RALYL: variants seen among roughly 807,000 people sequenced by gnomAD.
RALYL encodes the protein RALY RNA binding protein like, also known as RNA-binding Raly-like protein.
In RALYL, 29 loss-of-function variants were observed where a neutral mutation model predicts 35.1. The observed-to-expected ratio is 0.83, with a 90% confidence interval of 0.61 to 1.13. The LOEUF (loss-of-function observed/expected upper bound fraction) is 1.13. RALYL is among the 50% of genes most tolerant of loss of function. RALYL has a pLI of 0.00. For missense variants in RALYL, 359 were observed against 360.4 expected (o/e 1.00, Z 0.03); for synonymous variants, 120 against 127.6 (o/e 0.94, Z 0.40).
chr8:84,649,541 C>T (rs1828244209), intron 2 of RALYL, among the ~76,000 whole-genome samples: 1 of 151,966 alleles, frequency 6.6e-6, no homozygotes, highest in African/African-American at 2.4e-5. Context: ...ATAGGGAATC[C>T]TTTCCCCATT....
intron 1 of RALYL, among the ~76,000 whole-genome samples, chr8:84,198,748 T>A (rs1816078061): frequency 1.3e-5 from 2 of 152,188 alleles, no homozygotes; most frequent in South Asian, 4.1e-4. Context: ...ATATGCAACA[T>A]TGATCTTTCT....
intron 1 of RALYL, among the ~76,000 whole-genome samples, chr8:84,416,985 T>A (rs1417509752): frequency 6.6e-6 from 1 of 152,188 alleles, no homozygotes; most frequent in Non-Finnish European, 1.5e-5. Context: ...TCTTATTTTC[T>A]TCCTTTTTTC....
intron 7 of RALYL, among the ~76,000 whole-genome samples, chr8:84,876,638 A>T (rs1172686573): frequency 6.6e-6 from 1 of 152,226 alleles, no homozygotes; most frequent in Admixed American, 6.5e-5. Flanking sequence ...AAAAAATTAC[A>T]TTTCAAGTGC....
At chr8:84,582,834 T>A (rs2135995305) in intron 2 of RALYL, among the ~76,000 whole-genome samples, 1 of 152,170 alleles carries the variant, frequency 6.6e-6, no homozygotes, top group Middle Eastern at 3.4e-3. Flanking sequence ...CCTACAAATG[T>A]ATTTAATTTC....
At chr8:84,314,036 G>A (rs943902102) in intron 1 of RALYL, among the ~76,000 whole-genome samples, 2 of 152,164 alleles carry the variant, frequency 1.3e-5, no homozygotes, top group Non-Finnish European at 2.9e-5. Flanking sequence ...GCATGGCTGG[G>A]GGAGGGCTCA....
At chr8:84,681,678 C>T (rs11997639) in intron 2 of RALYL, among the ~76,000 whole-genome samples, 6,561 of 152,218 alleles carry the variant, frequency 0.043, 297 homozygotes, top group African/African-American at 0.11. Context: ...GTGATTTTTG[C>T]ACATTGATTT....
chr8:84,451,916 T>C (rs1449780714), intron 1 of RALYL, among the ~76,000 whole-genome samples: 1 of 151,986 alleles, frequency 6.6e-6, no homozygotes. Flanking sequence ...TTTGCTATGT[T>C]GTTCTCATAC....
chr8:84,343,003 G>A (rs576393164), intron 1 of RALYL, among the ~76,000 whole-genome samples: 1 of 152,008 alleles, frequency 6.6e-6, no homozygotes, highest in Non-Finnish European at 1.5e-5. Flanking sequence ...TGACCATTTG[G>A]TAGGCAGCAC....
At chr8:84,681,461 A>T (rs1214908377) in intron 2 of RALYL, among the ~76,000 whole-genome samples, 1 of 151,190 alleles carries the variant, frequency 6.6e-6, no homozygotes, top group Non-Finnish European at 1.5e-5. Flanking sequence ...TTTTCACTGT[A>T]TTCCTATCCA....
At chr8:84,232,097 C>T (rs980028804) in intron 1 of RALYL, among the ~76,000 whole-genome samples, 6 of 152,042 alleles carry the variant, frequency 3.9e-5, no homozygotes, top group Non-Finnish European at 7.4e-5. Context: ...ATATAAATTT[C>T]GGATGAATGG....
intron 2 of RALYL, among the ~76,000 whole-genome samples, chr8:84,575,317 T>C (rs1378465770): frequency 1.3e-5 from 2 of 152,308 alleles, no homozygotes; most frequent in East Asian, 3.9e-4. Flanking sequence ...TATGAAATAG[T>C]GAAGATTATT....
intron 1 of RALYL, among the ~76,000 whole-genome samples, chr8:84,347,269 TAAA>T (rs1300281756): frequency 6.6e-6 from 1 of 152,082 alleles, no homozygotes; most frequent in Non-Finnish European, 1.5e-5. Context: ...ATAACAATAA[TAAA>T]ATAATAAGCC....
intron 2 of RALYL, chr8:84,666,003 T>C (rs1039265387): frequency 2.0e-5 from 3 of 152,048 alleles, no homozygotes; most frequent in Admixed American, 6.6e-5. Flanking sequence ...ATCTTGTATT[T>C]TCTGGATATA....
At chr8:84,897,023 G>T (rs192497932) in intron 8 of RALYL, among the ~76,000 whole-genome samples, 196 of 152,090 alleles carry the variant, frequency 1.3e-3, no homozygotes, top group African/African-American at 4.4e-3. Context: ...AATTCAACTG[G>T]GTTTCCTGTA....
chr8:84,566,052 C>T (rs1036111659), intron 2 of RALYL, among the ~76,000 whole-genome samples: 4 of 151,406 alleles, frequency 2.6e-5, no homozygotes, highest in Admixed American at 1.3e-4. Context: ...CATTTGGCTA[C>T]TAGTATCCTT....
chr8:84,290,522 G>A (rs150453884), intron 1 of RALYL, among the ~76,000 whole-genome samples: 50 of 152,080 alleles, frequency 3.3e-4, no homozygotes, highest in African/African-American at 1.2e-3. Context: ...GTGCTCAGTG[G>A]GGGTGCTTTT....
chr8:84,381,989 T>C (rs935038606), intron 1 of RALYL, among the ~76,000 whole-genome samples: 2 of 151,800 alleles, frequency 1.3e-5, no homozygotes. Flanking sequence ...ATTGGAAATA[T>C]AGCCTATCTC....
At chr8:84,220,745 T>C (rs1254055153) in intron 1 of RALYL, among the ~76,000 whole-genome samples, 1 of 151,948 alleles carries the variant, frequency 6.6e-6, no homozygotes, top group Non-Finnish European at 1.5e-5. Context: ...ACAAGAACAA[T>C]TTTTGTAAAC....
At chr8:84,369,988 T>C (rs1169838578) in intron 1 of RALYL, among the ~76,000 whole-genome samples, 1 of 151,762 alleles carries the variant, frequency 6.6e-6, no homozygotes, top group Non-Finnish European at 1.5e-5. Context: ...CAGCAGGGAG[T>C]CTTATTTGGC....
Sources: gnomAD v4.1 joint callset for allele counts (sites outside exome capture counted in the v4.1 genomes callset) on GRCh38, gnomAD v4.1.1 for gene constraint, MANE v1.5 for transcripts, NCBI Gene and HGNC (gene_info 2026-07-23, HGNC 2026-07-21) for gene names.